The following CALD1 variants were observed in gnomAD, a reference collection of about 807,000 sequenced individuals.
The protein encoded by CALD1 is caldesmon.
CALD1 carries 33 observed loss-of-function variants against 99.9 expected under a neutral mutation model. That is an observed-to-expected ratio of 0.33 (90% CI 0.25 to 0.44). The LOEUF (loss-of-function observed/expected upper bound fraction) is 0.44, where lower values mean the gene tolerates loss of function less well. CALD1 is among the 20% of genes least tolerant of loss of function. CALD1 has a pLI of 1.00. For missense variants in CALD1, 861 were observed against 962.1 expected, an observed-to-expected ratio of 0.89 and a Z score of 1.39; for synonymous variants, 310 against 325.0, an observed-to-expected ratio of 0.95 and a Z score of 0.50.
At chr7:134,967,309 TG>T (rs3839677) in intron 14 of CALD1, among the ~76,000 whole-genome samples, 54,253 of 151,884 alleles carry the variant, frequency 0.36, 10,054 homozygotes, top group Middle Eastern at 0.48. Flanking sequence ...GACCGAGAAC[TG>T]AGTTTATGAG....
At chr7:134,909,052 T>C (rs759742704) in intron 3 of CALD1, among the ~76,000 whole-genome samples, 3 of 152,214 alleles carry the variant, frequency 2.0e-5, no homozygotes, top group Non-Finnish European at 4.4e-5. Context: ...ATTTTTTATA[T>C]TTTCTCTGTG....
At chr7:134,749,831 T>G (rs1056387617) in intron 1 of CALD1, among the ~76,000 whole-genome samples, 3 of 152,150 alleles carry the variant, frequency 2.0e-5, no homozygotes, top group African/African-American at 7.2e-5. Flanking sequence ...TTTCTGTAAT[T>G]TAATTTAAAG....
upstream of CALD1, chr7:134,744,114 C>T (rs1220938195): frequency 6.6e-6 from 1 of 152,230 alleles, no homozygotes; most frequent in African/African-American, 2.4e-5. Flanking sequence ...AACAGGGCCT[C>T]AAGGTTAAGC....
At chr7:134,871,227 A>G (rs1200501163) in intron 3 of CALD1, among the ~76,000 whole-genome samples, 1 of 152,188 alleles carries the variant, frequency 6.6e-6, no homozygotes, top group Non-Finnish European at 1.5e-5. Context: ...AATGAAGGCA[A>G]TTTTCTGTTT....
intron 3 of CALD1, among the ~76,000 whole-genome samples, chr7:134,908,436 G>A (rs1803561842): frequency 1.3e-5 from 2 of 152,118 alleles, no homozygotes; most frequent in Non-Finnish European, 2.9e-5. Context: ...ACCTGCCAGT[G>A]ACTCCTCTCT....
intron 3 of CALD1, among the ~76,000 whole-genome samples, chr7:134,871,104 G>A (rs1485783821): frequency 6.6e-6 from 1 of 152,066 alleles, no homozygotes; most frequent in Non-Finnish European, 1.5e-5. Context: ...TCTAAAATAA[G>A]ACTAGCCATT....
the CALD1 span, among the ~76,000 whole-genome samples, chr7:134,736,119 C>T: frequency 6.6e-6 from 1 of 152,156 alleles, no homozygotes; most frequent in African/African-American, 2.4e-5. Flanking sequence ...GGAATGTAAG[C>T]CTTTCTCCTT....
At chr7:134,728,158 C>T in the CALD1 span, among the ~76,000 whole-genome samples, 1 of 2,374 alleles carries the variant, frequency 4.2e-4, no homozygotes, top group Admixed American at 6.3e-3. Flanking sequence ...TAGAGAATGA[C>T]GTTGAGCCTA....
At chr7:134,774,169 C>CAA (rs5887704) in intron 1 of CALD1, among the ~76,000 whole-genome samples, 7 of 136,010 alleles carry the variant, frequency 5.1e-5, no homozygotes, top group African/African-American at 1.7e-4. Context: ...GATTCCATCT[C>CAA]AAAAAAAAAA....
chr7:134,734,917 TC>T, the CALD1 span: 1 of 165,332 alleles, frequency 6.0e-6, no homozygotes, highest in South Asian at 1.6e-4. Flanking sequence ...CTCCTCCTCA[TC>T]CCACTCCTTA....
At chr7:134,936,178 G>T (rs1805959513) in intron 6 of CALD1, among the ~76,000 whole-genome samples, 1 of 152,110 alleles carries the variant, frequency 6.6e-6, no homozygotes, top group Non-Finnish European at 1.5e-5. Flanking sequence ...AACTGGCCTT[G>T]ATTAATGCTT....
chr7:134,759,772 A>G (rs1796760680), intron 1 of CALD1, among the ~76,000 whole-genome samples: 1 of 152,258 alleles, frequency 6.6e-6, no homozygotes, highest in African/African-American at 2.4e-5. Flanking sequence ...TAAAACAGAC[A>G]AAGAATGAGC....
At chr7:134,771,275 C>T (rs1796875946) in intron 1 of CALD1, among the ~76,000 whole-genome samples, 1 of 152,168 alleles carries the variant, frequency 6.6e-6, no homozygotes, top group South Asian at 2.1e-4. Context: ...TTGCATATGA[C>T]ACTCCCTCCC....
chr7:134,735,645 A>G, the CALD1 span, among the ~76,000 whole-genome samples: 2 of 151,676 alleles, frequency 1.3e-5, no homozygotes, highest in Non-Finnish European at 2.9e-5. Context: ...GCAGAAATAA[A>G]TTTACATACT....
At position 134,933,924 on chromosome 7, in the gene CALD1, G is replaced by A. The variant is rs969210249; in HGVS notation, c.1155G>A (p.Glu385=). The change falls in exon 5 of 15, where the codon GAG becomes GAA. Residue 385 remains glutamate, a synonymous_variant. Transcript: ENST00000361675. ...AEEEEKAKVE[E]QKRNKQLEEK... ...AGGAAGAGAAGGCTAAGGTAGAAGA[G>A]CAGAAACGTAACAAGCAGCTAGAAG... 2 of 1,613,848 alleles carry A rather than the reference G, an allele frequency of 1.2e-6. No homozygotes were observed. Among genetic ancestry groups the A allele is most frequent in the African/African-American group, 1.3e-5 (1 of 74,880 alleles).
At chr7:134,714,649 T>C in the CALD1 span, among the ~76,000 whole-genome samples, 2 of 152,240 alleles carry the variant, frequency 1.3e-5, no homozygotes, top group Non-Finnish European at 2.9e-5. Flanking sequence ...AGCTAGCTCA[T>C]AGGCAGTTTG....
At chr7:134,773,276 C>CT (rs11345428) in intron 1 of CALD1, among the ~76,000 whole-genome samples, 100 of 138,046 alleles carry the variant, frequency 7.2e-4, no homozygotes, top group Non-Finnish European at 9.6e-4. Flanking sequence ...TTTTTCTGAA[C>CT]TTTTTTTTTT....
At chr7:134,821,698 T>G (rs934004789) in intron 1 of CALD1, among the ~76,000 whole-genome samples, 1 of 149,394 alleles carries the variant, frequency 6.7e-6, no homozygotes, top group Non-Finnish European at 1.5e-5. Flanking sequence ...TTCTCCTGCC[T>G]CAGCCTCCTG....
intron 1 of CALD1, among the ~76,000 whole-genome samples, chr7:134,788,081 T>C (rs986518808): frequency 1.4e-4 from 22 of 152,302 alleles, no homozygotes; most frequent in Admixed American, 9.8e-4. Flanking sequence ...TGTTAAACTT[T>C]CGAGAATTTT....
Sources: allele counts gnomAD v4.1 joint callset (sites outside exome capture counted in the v4.1 genomes callset), GRCh38; gene constraint gnomAD v4.1.1; transcripts MANE v1.5; gene names NCBI Gene and HGNC (gene_info 2026-07-23, HGNC 2026-07-21).